The following KLRF1 variants were observed in gnomAD, a reference collection of about 807,000 sequenced individuals.
The protein encoded by KLRF1 is killer cell lectin-like receptor subfamily F member 1.
In KLRF1, 27 loss-of-function variants were observed where a neutral mutation model predicts 30.7. That is an observed-to-expected ratio of 0.88 (90% CI 0.65 to 1.21). KLRF1 has a LOEUF of 1.21. KLRF1 is among the 50% of genes most tolerant of loss of function. The pLI is 0.00. For synonymous variants in KLRF1, 92 were observed against 89.3 expected, an observed-to-expected ratio of 1.03 and a Z score of -0.17; for missense variants, 246 against 259.3, an observed-to-expected ratio of 0.95 and a Z score of 0.35.
chr12:9,804,723 T>C, the KLRF1 span, among the ~76,000 whole-genome samples: 4 of 152,068 alleles, frequency 2.6e-5, no homozygotes, highest in South Asian at 2.1e-4. Context: ...CCTGATCTTA[T>C]AGGGAAAGCC....
chr12:9,839,683 C>T (rs1189523172), intron 3 of KLRF1, among the ~76,000 whole-genome samples: 1 of 152,106 alleles, frequency 6.6e-6, no homozygotes, highest in African/African-American at 2.4e-5. Flanking sequence ...AGCCACTGCA[C>T]ACCCTCCAGG....
the KLRF1 span, among the ~76,000 whole-genome samples, chr12:9,818,678 C>CAT: frequency 6.6e-6 from 1 of 152,162 alleles, no homozygotes; most frequent in Non-Finnish European, 1.5e-5. Context: ...TGGTTCCAGG[C>CAT]ATAGTCCATG....
At chr12:9,816,472 A>G in the KLRF1 span, among the ~76,000 whole-genome samples, 1 of 152,070 alleles carries the variant, frequency 6.6e-6, no homozygotes, top group Non-Finnish European at 1.5e-5. Context: ...TTTTATTCCA[A>G]CTGGTGTCAT....
intron 3 of KLRF1, among the ~76,000 whole-genome samples, chr12:9,834,128 G>A (rs894338741): frequency 1.3e-5 from 2 of 148,790 alleles, no homozygotes; most frequent in African/African-American, 5.2e-5. Flanking sequence ...GCCACGATGA[G>A]CCAGGAGAAG....
At position 9,832,877 on chromosome 12, in the gene KLRF1, A is replaced by G. The variant is rs761106142; in HGVS notation, c.185-426A>G. ...ATACTCCAAATATTACAAATTCCCC[A>G]AAATTTTTAAGAAAAGAATAGTCAG... On this transcript the variant is annotated intron_variant, in intron 2 of 5. Transcript: ENST00000617889. 2.4e-4 allele frequency among the ~76,000 whole-genome samples: 37 copies of G among 152,298 alleles called. No individual in the cohort carries two copies. The South Asian group carries it at 3.9e-3, about 16-fold the overall frequency.
upstream of KLRF1, among the ~76,000 whole-genome samples, chr12:9,826,436 T>C (rs1760704472): frequency 6.6e-6 from 1 of 151,906 alleles, no homozygotes; most frequent in Admixed American, 6.6e-5. Flanking sequence ...TTGATGGGAG[T>C]GTAAATTAGT....
intron 3 of KLRF1, among the ~76,000 whole-genome samples, chr12:9,835,025 T>G (rs1398800427): frequency 6.6e-6 from 1 of 152,098 alleles, no homozygotes; most frequent in Non-Finnish European, 1.5e-5. Flanking sequence ...GAGGTTGAAA[T>G]GCCTCCTATT....
the KLRF1 span, among the ~76,000 whole-genome samples, chr12:9,814,667 G>A: frequency 9.9e-5 from 15 of 152,174 alleles, no homozygotes; most frequent in African/African-American, 3.4e-4. Context: ...AGCCTGGTAC[G>A]GCCCACAAGT....
chr12:9,840,422 A>G (rs1354376791), intron 3 of KLRF1, among the ~76,000 whole-genome samples: 1 of 152,042 alleles, frequency 6.6e-6, no homozygotes, highest in Non-Finnish European at 1.5e-5. Context: ...TAAAATAGTT[A>G]TATTGGCCTT....
At chr12:9,821,877 C>T in the KLRF1 span, among the ~76,000 whole-genome samples, 1 of 152,254 alleles carries the variant, frequency 6.6e-6, no homozygotes, top group Admixed American at 6.5e-5. Flanking sequence ...TACTGCATCA[C>T]ATCCCAAAGC....
chr12:9,820,969 T>C, the KLRF1 span, among the ~76,000 whole-genome samples: 3 of 152,196 alleles, frequency 2.0e-5, no homozygotes, highest in Admixed American at 6.5e-5. Flanking sequence ...GCCCCATACA[T>C]GGCTGACCAT....
At chr12:9,832,683 G>GTGTGTA (rs1555120465) in intron 2 of KLRF1, among the ~76,000 whole-genome samples, 73 of 151,020 alleles carry the variant, frequency 4.8e-4, no homozygotes, top group African/African-American at 1.7e-3. Flanking sequence ...GTGTGTGTGT[G>GTGTGTA]TGTGTATGTG....
At chr12:9,808,912 C>G in the KLRF1 span, among the ~76,000 whole-genome samples, 1 of 152,096 alleles carries the variant, frequency 6.6e-6, no homozygotes, top group Non-Finnish European at 1.5e-5. Context: ...AGTGCTACCT[C>G]AGGTTAGGTG....
At chr12:9,804,976 C>CA in the KLRF1 span, among the ~76,000 whole-genome samples, 2 of 151,788 alleles carry the variant, frequency 1.3e-5, no homozygotes, top group African/African-American at 4.8e-5. Flanking sequence ...TCTATTTGAT[C>CA]ATTGTGTAAT....
the KLRF1 span, among the ~76,000 whole-genome samples, chr12:9,818,980 C>T: frequency 3.6e-4 from 55 of 152,292 alleles, no homozygotes; most frequent in African/African-American, 1.3e-3. Context: ...CAAGGCAGGA[C>T]GACTGCCCAC....
At chr12:9,821,678 G>T in the KLRF1 span, among the ~76,000 whole-genome samples, 1 of 152,190 alleles carries the variant, frequency 6.6e-6, no homozygotes, top group Non-Finnish European at 1.5e-5. Context: ...TAAACACTGA[G>T]ATCACCCCAG....
the KLRF1 span, among the ~76,000 whole-genome samples, chr12:9,810,017 T>TA: frequency 6.6e-6 from 1 of 152,164 alleles, no homozygotes; most frequent in East Asian, 1.9e-4. Context: ...TTCTCAGTCC[T>TA]AAATTTCATC....
At chr12:9,837,992 G>A (rs1008406489) in intron 3 of KLRF1, among the ~76,000 whole-genome samples, 1 of 152,104 alleles carries the variant, frequency 6.6e-6, no homozygotes, top group African/African-American at 2.4e-5. Context: ...AGTTTATATC[G>A]GACCCCAAAA....
chr12:9,814,581 C>T, the KLRF1 span, among the ~76,000 whole-genome samples: 20 of 152,358 alleles, frequency 1.3e-4, no homozygotes, highest in Non-Finnish European at 2.2e-4. Flanking sequence ...TGACTGAAGA[C>T]CCAGCCTGGC....
Sources: allele counts gnomAD v4.1 joint callset (sites outside exome capture counted in the v4.1 genomes callset), GRCh38; gene constraint gnomAD v4.1.1; transcripts MANE v1.5; gene names NCBI Gene and HGNC (gene_info 2026-07-23, HGNC 2026-07-21).